TERF1: variants seen among roughly 807,000 people sequenced by gnomAD.
TERF1 encodes telomeric repeat-binding factor 1.
A neutral mutation model predicts 55.1 loss-of-function variants in TERF1; 20 were observed. The observed-to-expected ratio is 0.36, with a 90% CI of 0.26 to 0.53. The LOEUF is 0.53. Ranked by LOEUF, TERF1 falls within the 20% of genes least tolerant of loss-of-function variation. The pLI, the probability that TERF1 is intolerant of heterozygous loss-of-function variation, is 0.91. For synonymous variants in TERF1, 168 were observed against 181.2 expected, an observed-to-expected ratio of 0.93 and a Z score of 0.59; for missense variants, 439 against 535.7, an observed-to-expected ratio of 0.82 and a Z score of 1.78.
chr8:73,022,755 T>C (rs1027233508), intron 4 of TERF1, among the ~76,000 whole-genome samples: 1 of 152,102 alleles, frequency 6.6e-6, no homozygotes, highest in African/African-American at 2.4e-5. Flanking sequence ...AAGAGCAGCC[T>C]GGGCAACACA....
At chr8:73,038,946 C>A in intron 8 of TERF1, 170 bp from the exon 9 acceptor site, 2 of 553,694 alleles carry the variant, frequency 3.6e-6, no homozygotes, top group Non-Finnish European at 2.8e-6. Context: ...ATTTCAAAGG[C>A]TGATCTTTGC....
intron 8 of TERF1, among the ~76,000 whole-genome samples, chr8:73,035,874 CTGGTGTT>C (rs1489451101): frequency 6.6e-6 from 1 of 152,134 alleles, no homozygotes; most frequent in African/African-American, 2.4e-5. Flanking sequence ...CTTGACTATT[CTGGTGTT>C]TTGGTGTTCC....
At chr8:73,012,868 A>T (rs781366428) in intron 1 of TERF1, 1 of 453,070 alleles carries the variant, frequency 2.2e-6, no homozygotes, top group Non-Finnish European at 4.4e-6. Flanking sequence ...TAAAACCTTC[A>T]TGGGGGCAGA....
chr8:73,012,995 A>G (rs1159042889), intron 1 of TERF1: 1 of 454,018 alleles, frequency 2.2e-6, no homozygotes, highest in African/African-American at 2.0e-5. Context: ...AAATCCTGTT[A>G]AATTCTATTA....
At chr8:73,045,830 A>C (rs1015272954) in intron 9 of TERF1, 131 bp from the exon 10 acceptor site, 2 of 646,282 alleles carry the variant, frequency 3.1e-6, no homozygotes, top group East Asian at 3.3e-5. Flanking sequence ...AAATCTAAGA[A>C]ATGTTTAGAG....
chr8:73,045,040 C>A (rs554703774), intron 9 of TERF1, among the ~76,000 whole-genome samples: 19 of 152,130 alleles, frequency 1.2e-4, no homozygotes, highest in African/African-American at 3.9e-4. Context: ...AGATATGTAC[C>A]CAGAAGTGGA....
chr8:73,021,389 G>A (rs940195092), intron 3 of TERF1, among the ~76,000 whole-genome samples: 56 of 152,060 alleles, frequency 3.7e-4, no homozygotes, highest in Non-Finnish European at 1.8e-4. Flanking sequence ...GCAGAAAAAC[G>A]ACTGCTTCCT....
At chr8:73,033,736 C>A (rs1184551664) in intron 8 of TERF1, among the ~76,000 whole-genome samples, 2 of 152,110 alleles carry the variant, frequency 1.3e-5, no homozygotes, top group African/African-American at 4.8e-5. Flanking sequence ...GGTTTATCAG[C>A]AAACTCGAAG....
intron 3 of TERF1, among the ~76,000 whole-genome samples, chr8:73,021,747 C>G (rs920187410): frequency 6.6e-6 from 1 of 152,056 alleles, no homozygotes; most frequent in African/African-American, 2.4e-5. Flanking sequence ...AATGCCAATG[C>G]ATGAAAAAAA....
At chr8:73,032,578 T>TAC (rs1809333201) in intron 8 of TERF1, among the ~76,000 whole-genome samples, 1 of 149,924 alleles carries the variant, frequency 6.7e-6, no homozygotes, top group African/African-American at 2.5e-5. Context: ...TCTATATGAA[T>TAC]ATATATATAT....
chr8:73,041,185 T>A (rs1809817699), intron 9 of TERF1, among the ~76,000 whole-genome samples: 2 of 152,224 alleles, frequency 1.3e-5, no homozygotes, highest in Admixed American at 6.5e-5. Flanking sequence ...AGACATGATA[T>A]ATCAGGTAAA....
chr8:73,008,937 T>C lies in TERF1; in HGVS notation c.51T>C (p.Asp17=), dbSNP rs781389776. 3 of 1,612,808 alleles carry C rather than the reference T, an allele frequency of 1.9e-6. No homozygotes were observed. Among genetic ancestry groups the C allele is most frequent in the East Asian group, 2.2e-5 (1 of 44,856 alleles). Residue 17 remains aspartate (D), a synonymous_variant, in exon 1 of 10, where the codon GAT becomes GAC. Transcript: ENST00000276603. ...CCCCGAGCCCGCGGGGCTGTGCGGA[T>C]GGTAGGGATGCCGACCCTACTGAGG... The part of the protein sequence containing the change: ...SAAPSPRGCA[D]GRDADPTEEQ...
At chr8:73,014,123 GT>G in intron 2 of TERF1, 133 bp downstream of exon 2, 2 of 597,914 alleles carry the variant, frequency 3.3e-6, no homozygotes, top group East Asian at 6.0e-5. Context: ...GGGGGGTGGT[GT>G]GTGTGTGTGT....
chr8:73,041,646 T>C (rs1040566596), intron 9 of TERF1, among the ~76,000 whole-genome samples: 2 of 152,192 alleles, frequency 1.3e-5, no homozygotes, highest in Non-Finnish European at 2.9e-5. Flanking sequence ...AAGGATTTTG[T>C]TAAGAAGACC....
chr8:73,016,347 G>T (rs558965972), intron 2 of TERF1, among the ~76,000 whole-genome samples: 61 of 151,986 alleles, frequency 4.0e-4, no homozygotes, highest in Middle Eastern at 6.8e-3. Context: ...TGTTTGGGGT[G>T]ATGTGGCTGT....
At chr8:73,024,704 A>G in intron 4 of TERF1, 118 bp from the exon 5 acceptor site, 1 of 740,236 alleles carries the variant, frequency 1.4e-6, no homozygotes, top group Non-Finnish European at 2.1e-6. Flanking sequence ...TTTTAAAAAT[A>G]TCTGTGTCTC....
rs761401908 is a variant in TERF1, at chr8:73,012,671, C to CA, written c.320-1211dup. On this transcript the variant is annotated intron_variant, in intron 1 of 9. Transcript: ENST00000276603. ...TGGGCGACAGAGCGTGACTCTGTCT[C>CA]AAAAAAAAAAAAAGGTGCCGTTAGA... Among the ~76,000 whole-genome samples, 236 of 115,984 alleles carry CA rather than the reference C, an allele frequency of 2.0e-3. 2 individuals carry two copies. The highest frequency in any genetic ancestry group is 4.4e-3 in the Middle Eastern group (1 of 226). 76.1% of individuals were successfully genotyped at this position (115,984 alleles called of 152,430 possible).
At chr8:73,015,843 C>T (rs1253010805) in intron 2 of TERF1, among the ~76,000 whole-genome samples, 1 of 152,106 alleles carries the variant, frequency 6.6e-6, no homozygotes, top group Non-Finnish European at 1.5e-5. Flanking sequence ...TAGAAATTCC[C>T]ATTCCAGCAG....
intron 1 of TERF1, 98 bp downstream of exon 1, chr8:73,009,303 G>GTC (rs1808174680): frequency 1.9e-5 from 23 of 1,238,136 alleles, no homozygotes; most frequent in Admixed American, 1.3e-4. Flanking sequence ...GCCGAGGGAG[G>GTC]GGCTGCTGCG....
Sources: allele counts gnomAD v4.1 joint callset (sites outside exome capture counted in the v4.1 genomes callset), GRCh38; gene constraint gnomAD v4.1.1; transcripts MANE v1.5; gene names NCBI Gene and HGNC (gene_info 2026-07-23, HGNC 2026-07-21).